Variants in VPS37A observed in about 807,000 individuals in gnomAD.
VPS37A encodes the protein VPS37A subunit of ESCRT-I, also known as vacuolar protein sorting-associated protein 37A.
Under a neutral mutation model 49.8 loss-of-function variants are expected in VPS37A, and 30 were observed. That is an observed-to-expected ratio of 0.60 (90% CI 0.45 to 0.82). The LOEUF (loss-of-function observed/expected upper bound fraction) is 0.82. VPS37A is among the 40% of genes least tolerant of loss of function. The pLI is 0.00. For synonymous variants in VPS37A, 195 were observed against 160.6 expected (o/e 1.21, Z -1.62); for missense variants, 593 against 464.4 (o/e 1.28, Z -2.55).
the VPS37A span, among the ~76,000 whole-genome samples, chr8:17,322,859 T>A: frequency 6.6e-6 from 1 of 152,114 alleles, no homozygotes; most frequent in Non-Finnish European, 1.5e-5. Flanking sequence ...TGTGCCCATT[T>A]CTGTTACATC....
intron 11 of VPS37A, 158 bp downstream of exon 11, chr8:17,286,585 A>G: frequency 1.7e-6 from 1 of 583,108 alleles, no homozygotes; most frequent in Non-Finnish European, 2.9e-6. Context: ...TATAATAAGC[A>G]TAATATAAAC....
chr8:17,330,696 T>C, the VPS37A span, among the ~76,000 whole-genome samples: 1 of 152,220 alleles, frequency 6.6e-6, no homozygotes, highest in African/African-American at 2.4e-5. Flanking sequence ...ATGTGTATTG[T>C]GGTGGCTGCT....
chr8:17,274,542 G>A (rs536215155), intron 4 of VPS37A, among the ~76,000 whole-genome samples, 191 bp from the exon 5 acceptor site: 4 of 150,108 alleles, frequency 2.7e-5, no homozygotes, highest in East Asian at 2.0e-4. Flanking sequence ...CTTTTTTTTC[G>A]GGGGGGTGGG....
At chr8:17,267,655 T>G (rs889386831) in intron 2 of VPS37A, among the ~76,000 whole-genome samples, 2 of 152,194 alleles carry the variant, frequency 1.3e-5, no homozygotes, top group African/African-American at 4.8e-5. Flanking sequence ...ATACAGTAAA[T>G]AGTGAAATAA....
the VPS37A span, among the ~76,000 whole-genome samples, chr8:17,323,646 A>AG: frequency 6.6e-6 from 1 of 152,110 alleles, no homozygotes; most frequent in Non-Finnish European, 1.5e-5. Context: ...CAGAGGCCGC[A>AG]GGGGTGGGGG....
the VPS37A span, chr8:17,311,736 C>G: frequency 3.9e-6 from 6 of 1,554,762 alleles, no homozygotes; most frequent in Non-Finnish European, 5.2e-6. Flanking sequence ...CAGAAAGAAA[C>G]AGCCAAAACG....
chr8:17,301,945 C>T, downstream of VPS37A: 3 of 507,118 alleles, frequency 5.9e-6, no homozygotes, highest in Non-Finnish European at 9.8e-6. Flanking sequence ...TGGAACTGAG[C>T]CACAAACCAG....
At chr8:17,261,261 C>T (rs1210384804) in intron 1 of VPS37A, among the ~76,000 whole-genome samples, 1 of 152,176 alleles carries the variant, frequency 6.6e-6, no homozygotes, top group African/African-American at 2.4e-5. Flanking sequence ...CATGGAGAGC[C>T]TCTAATGTAT....
the VPS37A span, among the ~76,000 whole-genome samples, chr8:17,333,438 A>G: frequency 6.6e-6 from 1 of 152,230 alleles, no homozygotes; most frequent in African/African-American, 2.4e-5. Context: ...AATAAAATTA[A>G]TAGGAGATTT....
At chr8:17,271,677 T>C (rs1814007803) in intron 4 of VPS37A, among the ~76,000 whole-genome samples, 1 of 151,898 alleles carries the variant, frequency 6.6e-6, no homozygotes, top group African/African-American at 2.4e-5. Flanking sequence ...CAACACCCAC[T>C]AAGCTCCTCC....
chr8:17,281,100 A>G (rs1241125412), intron 9 of VPS37A, among the ~76,000 whole-genome samples: 9 of 152,142 alleles, frequency 5.9e-5, no homozygotes, highest in African/African-American at 2.2e-4. Context: ...GGAGAATATA[A>G]ATTTATAATG....
intron 11 of VPS37A, among the ~76,000 whole-genome samples, chr8:17,287,333 A>T (rs1787357221): frequency 6.6e-6 from 1 of 152,054 alleles, no homozygotes; most frequent in Admixed American, 6.5e-5. Context: ...ACCTTTTTTG[A>T]GGCTGCTTGT....
chr8:17,255,451 A>AG (rs776742016), intron 1 of VPS37A, among the ~76,000 whole-genome samples: 1 of 152,134 alleles, frequency 6.6e-6, no homozygotes, highest in Non-Finnish European at 1.5e-5. Context: ...ATTGCACTCC[A>AG]GCCTGGGCAA....
Position 17,248,261 on chromosome 8 carries a change from C to CCTTTTTTTTTTTTTTTTTTT in VPS37A, c.125+892_125+893insCTTTTTTTTTTTTTTTTTTT. On this transcript the variant is annotated intron_variant, in intron 1 of 11. Coordinates refer to ENST00000324849, the MANE Select transcript of VPS37A (RefSeq NM_152415.3). ...GACAACATTGTTAAGTCCCTAACCC[C>CCTTTTTTTTTTTTTTTTTTT]TTTTTTTTTTTTTTTTTTTGCCGGG... 6 of 397,000 alleles carry CCTTTTTTTTTTTTTTTTTTT rather than the reference C, an allele frequency of 1.5e-5. 3 individuals are homozygous for CCTTTTTTTTTTTTTTTTTTT. The highest frequency in any genetic ancestry group is 9.8e-6 in the Non-Finnish European group (2 of 205,022). 24.6% of individuals were successfully genotyped at this position (397,000 alleles called of 1,614,324 possible).
chr8:17,258,593 G>A (rs1046003940), intron 1 of VPS37A, among the ~76,000 whole-genome samples: 2 of 152,028 alleles, frequency 1.3e-5, no homozygotes, highest in East Asian at 3.9e-4. Context: ...ATATTGGCCT[G>A]TAGTTTTCTT....
chr8:17,283,089 G>T (rs1815240373), intron 9 of VPS37A, among the ~76,000 whole-genome samples: 2 of 152,146 alleles, frequency 1.3e-5, no homozygotes, highest in South Asian at 4.1e-4. Context: ...TTTGGCAAGG[G>T]CAATGAGAAA....
chr8:17,329,256 A>T, the VPS37A span, among the ~76,000 whole-genome samples: 2 of 152,304 alleles, frequency 1.3e-5, no homozygotes, highest in African/African-American at 4.8e-5. Flanking sequence ...GCAACACTTC[A>T]TCATCAGCTC....
At chr8:17,288,419 G>A (rs1258153498) in intron 11 of VPS37A, among the ~76,000 whole-genome samples, 1 of 152,012 alleles carries the variant, frequency 6.6e-6, no homozygotes, top group Non-Finnish European at 1.5e-5. Flanking sequence ...CCCTCCTTGT[G>A]CCCATATGTT....
the VPS37A span, among the ~76,000 whole-genome samples, chr8:17,328,553 T>C: frequency 0.062 from 9,450 of 151,632 alleles, 874 homozygotes; most frequent in African/African-American, 0.2. Flanking sequence ...ATAACACACA[T>C]TGGGGCCTGT....
Sources: gnomAD v4.1 joint callset for allele counts (sites outside exome capture counted in the v4.1 genomes callset) on GRCh38, gnomAD v4.1.1 for gene constraint, MANE v1.5 for transcripts, NCBI Gene and HGNC (gene_info 2026-07-23, HGNC 2026-07-21) for gene names.